RAI14: variants seen among roughly 807,000 people sequenced by gnomAD.
The protein encoded by RAI14 is retinoic acid induced 14.
In RAI14, 45 loss-of-function variants were observed where a neutral mutation model predicts 115.4. That is an observed-to-expected ratio of 0.39 (90% CI 0.31 to 0.50). The LOEUF is 0.50. Among genes scored for constraint, RAI14 ranks in the 20% least tolerant of loss-of-function variants. RAI14 has a pLI of 0.85. For missense variants in RAI14, 939 were observed against 1,131.2 expected, an observed-to-expected ratio of 0.83 and a Z score of 2.44; for synonymous variants, 371 against 415.4, an observed-to-expected ratio of 0.89 and a Z score of 1.30.
intron 2 of RAI14, among the ~76,000 whole-genome samples, chr5:34,734,806 A>G (rs1744655923): frequency 6.6e-6 from 1 of 152,038 alleles, no homozygotes; most frequent in Non-Finnish European, 1.5e-5. Context: ...GATTACAGGC[A>G]CATACCACCA....
At chr5:34,715,544 G>A (rs1372023045) in intron 2 of RAI14, among the ~76,000 whole-genome samples, 12 of 152,106 alleles carry the variant, frequency 7.9e-5, no homozygotes, top group Admixed American at 7.9e-4. Flanking sequence ...CTTTGACTTG[G>A]TGTTCCCTGC....
chr5:34,821,361 T>G (rs923081421), intron 13 of RAI14, among the ~76,000 whole-genome samples: 4 of 152,056 alleles, frequency 2.6e-5, no homozygotes, highest in African/African-American at 7.2e-5. Flanking sequence ...GGGAAAGAAA[T>G]AAACCAGATT....
At chr5:34,697,372 G>T (rs1308794437) in intron 2 of RAI14, among the ~76,000 whole-genome samples, 1 of 151,176 alleles carries the variant, frequency 6.6e-6, no homozygotes, top group Non-Finnish European at 1.5e-5. Context: ...GGAGGCAGAG[G>T]TTGTGGTGAC....
intron 2 of RAI14, among the ~76,000 whole-genome samples, chr5:34,703,071 C>T (rs1346367577): frequency 6.6e-6 from 1 of 151,988 alleles, no homozygotes; most frequent in South Asian, 2.1e-4. Context: ...AAAGTGTAAC[C>T]CAGATGTTGG....
intron 1 of RAI14, among the ~76,000 whole-genome samples, chr5:34,663,989 C>A (rs1030919956): frequency 2.6e-5 from 4 of 152,116 alleles, no homozygotes; most frequent in African/African-American, 9.7e-5. Context: ...GGAAATTAGT[C>A]TTGCCGTATA....
chr5:34,722,519 T>A (rs1398686792), intron 2 of RAI14, among the ~76,000 whole-genome samples: 2 of 151,864 alleles, frequency 1.3e-5, no homozygotes, highest in Admixed American at 1.3e-4. Flanking sequence ...TGTAAAGCAT[T>A]GTTGTGTGAT....
At position 34,830,781 on chromosome 5, in the gene RAI14, A is replaced by G. The variant is rs989821092; in HGVS notation, c.*16A>G. The G allele has an allele frequency of 6.2e-7, 1 of 1,613,802 alleles. No homozygotes were observed. Among genetic ancestry groups the G allele is most frequent in the African/African-American group, 1.3e-5 (1 of 74,944 alleles). On this transcript the variant is annotated 3_prime_UTR_variant, in exon 18 of 18. Coordinates refer to ENST00000265109, the MANE Select transcript of RAI14 (RefSeq NM_015577.3). Reference sequence around the variant, plus strand: ...AAAGAAGTAAAGTGGATTCCTTGGCAGGACACTGCCCCTTGTCATCTGTCT... The same window carrying G: ...AAAGAAGTAAAGTGGATTCCTTGGCGGGACACTGCCCCTTGTCATCTGTCT...
At chr5:34,673,801 T>C (rs1285013871) in intron 1 of RAI14, among the ~76,000 whole-genome samples, 1 of 152,158 alleles carries the variant, frequency 6.6e-6, no homozygotes, top group Non-Finnish European at 1.5e-5. Context: ...AACTGGGTCT[T>C]GGGCAGCTAC....
chr5:34,819,177 A>G (rs1486533779), intron 13 of RAI14, among the ~76,000 whole-genome samples: 1 of 152,240 alleles, frequency 6.6e-6, no homozygotes, highest in African/African-American at 2.4e-5. Flanking sequence ...TTTGTCACCA[A>G]GAGAATTCCT....
At chr5:34,810,931 T>C (rs2150256888) in intron 7 of RAI14, 81 bp from the exon 8 acceptor site, 1 of 1,595,792 alleles carries the variant, frequency 6.3e-7, no homozygotes, top group South Asian at 1.1e-5. Flanking sequence ...AGGAGAAAAA[T>C]GTGCAAAAAA....
intron 13 of RAI14, among the ~76,000 whole-genome samples, chr5:34,819,805 A>G (rs1286698575): frequency 6.6e-6 from 1 of 152,020 alleles, no homozygotes; most frequent in Non-Finnish European, 1.5e-5. Context: ...GTCTTACTGT[A>G]TTGCCCAGAC....
intron 3 of RAI14, among the ~76,000 whole-genome samples, chr5:34,760,206 A>C (rs1470612899): frequency 1.3e-5 from 2 of 151,780 alleles, no homozygotes; most frequent in African/African-American, 2.4e-5. Context: ...GCACCACCAC[A>C]CCCAGCTAAT....
At chr5:34,753,912 C>CA (rs34458773) in intron 2 of RAI14, among the ~76,000 whole-genome samples, 56,667 of 117,102 alleles carry the variant, frequency 0.48, 13,548 homozygotes, top group Admixed American at 0.55. Context: ...GACTCTATCT[C>CA]AAAAAAAAAA....
chr5:34,787,893 ATTTTTTTTTTTTTTTTT>A (rs70973012), intron 3 of RAI14, among the ~76,000 whole-genome samples: 274 of 25,090 alleles, frequency 0.011, 4 homozygotes, highest in Admixed American at 0.022. Context: ...GATACTACTG[ATTTTTTTTTTTTTTTTT>A]TTTTTTTTTT....
chr5:34,746,506 G>A (rs1456695562), intron 2 of RAI14, among the ~76,000 whole-genome samples: 1 of 151,050 alleles, frequency 6.6e-6, no homozygotes, highest in East Asian at 2.0e-4. Flanking sequence ...CTGGGTTCAA[G>A]CAATTCTCCT....
In RAI14 at chr5:34,824,775, C is replaced by T. The variant is rs181969723; in HGVS notation, c.2649+284C>T. Among the ~76,000 whole-genome samples the T allele has an allele frequency of 4.5e-4, 68 of 151,990 alleles. No individual in the cohort carries two copies. The East Asian group carries it at 0.013, about 28-fold the overall frequency. On this transcript the variant is annotated intron_variant, in intron 15 of 17. Transcript: ENST00000265109. ...CCTGGCCAACATGGTGAAACCACGT[C>T]TCTACTAAAAATACAAAAATTAGCT...
chr5:34,657,008 G>A (rs1357319232), intron 1 of RAI14: 2 of 152,360 alleles, frequency 1.3e-5, no homozygotes, highest in South Asian at 2.1e-4. Context: ...CCCAGGACGC[G>A]GGGTCCGCTA....
In RAI14 at chr5:34,723,715, A is replaced by AGGAAAG. The variant is rs201442014; in HGVS notation, c.37-33753_37-33752insGGAAAG. Reference sequence around the variant, plus strand: ...AAGGAAAGCTAAATGTTAAATGTTAACAATGTGTTTTTACATGTATAACAT... The same window carrying AGGAAAG: ...AAGGAAAGCTAAATGTTAAATGTTAAGGAAAGCAATGTGTTTTTACATGTATAACAT... On this transcript the variant is annotated intron_variant, in intron 2 of 17. Coordinates refer to ENST00000265109, the MANE Select transcript of RAI14 (RefSeq NM_015577.3). 6.0e-3 allele frequency among the ~76,000 whole-genome samples: 917 copies of AGGAAAG among 152,348 alleles called. 5 individuals carry two copies. The highest frequency in any genetic ancestry group is 0.021 in the African/African-American group (881 of 41,584).
chr5:34,695,550 T>C (rs1376096679), intron 2 of RAI14, among the ~76,000 whole-genome samples: 1 of 151,078 alleles, frequency 6.6e-6, no homozygotes, highest in African/African-American at 2.5e-5. Flanking sequence ...AGGTGTAAAA[T>C]ACACACTAAA....
Sources: allele counts gnomAD v4.1 joint callset (sites outside exome capture counted in the v4.1 genomes callset), GRCh38; gene constraint gnomAD v4.1.1; transcripts MANE v1.5; gene names NCBI Gene and HGNC (gene_info 2026-07-23, HGNC 2026-07-21).